CSMD1: variants seen among roughly 807,000 people sequenced by gnomAD.
The protein encoded by CSMD1 is CUB and Sushi multiple domains 1, also known as CUB and sushi domain-containing protein 1.
CSMD1 carries 213 observed loss-of-function variants against 417.5 expected under a neutral mutation model. The observed-to-expected ratio is 0.51, with a 90% CI of 0.46 to 0.57. The LOEUF is 0.57. CSMD1 is among the 20% of genes least tolerant of loss of function. The probability of loss-of-function intolerance (pLI) is 0.00; values close to 1 mark genes in which losing one functional copy is unlikely to be tolerated. For missense variants in CSMD1, 6,923 were observed against 4,529.7 expected (o/e 1.53, Z -15.17); for synonymous variants, 2,862 against 1,736.8 (o/e 1.65, Z -16.11).
chr8:3,082,718 C>G (rs1273696153), intron 49 of CSMD1, among the ~76,000 whole-genome samples: 3 of 152,220 alleles, frequency 2.0e-5, no homozygotes, highest in African/African-American at 7.2e-5. Context: ...GTTAACATCG[C>G]TTTGCCTGTA....
intron 34 of CSMD1, among the ~76,000 whole-genome samples, chr8:3,189,547 C>T (rs1412797686): frequency 6.6e-6 from 1 of 152,098 alleles, no homozygotes; most frequent in Admixed American, 6.6e-5. Context: ...TATTAATTTT[C>T]AAAGATTCAT....
intron 2 of CSMD1, among the ~76,000 whole-genome samples, chr8:4,538,259 T>C (rs1353764990): frequency 2.0e-4 from 31 of 151,342 alleles, no homozygotes; most frequent in Non-Finnish European, 2.9e-5. Context: ...TTCTAATCCC[T>C]CTTCTGCATT....
chr8:4,892,910 A>T (rs1804221045), intron 1 of CSMD1, among the ~76,000 whole-genome samples: 1 of 152,162 alleles, frequency 6.6e-6, no homozygotes, highest in Admixed American at 6.5e-5. Flanking sequence ...ATAAAGTATT[A>T]ATGAAGTGAA....
chr8:3,819,619 T>C (rs1040169912), intron 5 of CSMD1, among the ~76,000 whole-genome samples: 1 of 152,100 alleles, frequency 6.6e-6, no homozygotes, highest in Non-Finnish European at 1.5e-5. Flanking sequence ...GATCTCACTT[T>C]GTTGCCCAGG....
chr8:4,719,422 G>A (rs981602730), intron 1 of CSMD1, among the ~76,000 whole-genome samples: 13 of 151,824 alleles, frequency 8.6e-5, no homozygotes, highest in African/African-American at 3.1e-4. Flanking sequence ...TGCATTAAAA[G>A]CATCATTATA....
intron 5 of CSMD1, among the ~76,000 whole-genome samples, chr8:3,826,778 AT>A (rs59195161): frequency 0.02 from 3,068 of 152,018 alleles, 111 homozygotes; most frequent in African/African-American, 0.069. Context: ...ACATATTTTT[AT>A]TTATTTTTAA....
chr8:4,890,328 T>G (rs1804028281), intron 1 of CSMD1, among the ~76,000 whole-genome samples: 1 of 152,100 alleles, frequency 6.6e-6, no homozygotes, highest in Non-Finnish European at 1.5e-5. Context: ...ACCTCCAGGT[T>G]CCTATGGATT....
At chr8:4,181,691 C>A (rs1798385956) in intron 3 of CSMD1, among the ~76,000 whole-genome samples, 1 of 151,816 alleles carries the variant, frequency 6.6e-6, no homozygotes, top group African/African-American at 2.4e-5. Flanking sequence ...TTCATTTATA[C>A]TTTTTTCAAT....
intron 3 of CSMD1, among the ~76,000 whole-genome samples, chr8:4,282,624 T>C (rs372039885): frequency 1.1e-4 from 16 of 152,218 alleles, no homozygotes; most frequent in African/African-American, 2.4e-4. Flanking sequence ...GTAGTTAGTA[T>C]ATTGTATGCA....
At chr8:4,077,307 A>ATATATGTG (rs1554439913) in intron 3 of CSMD1, among the ~76,000 whole-genome samples, 1,805 of 141,394 alleles carry the variant, frequency 0.013, 26 homozygotes, top group Non-Finnish European at 0.017. Context: ...GTATATATAT[A>ATATATGTG]TATATATATA....
intron 12 of CSMD1, among the ~76,000 whole-genome samples, chr8:3,412,208 A>G (rs529603533): frequency 4.7e-5 from 7 of 150,506 alleles, no homozygotes; most frequent in African/African-American, 1.5e-4. Flanking sequence ...ATACACACAC[A>G]CACACCACTG....
intron 3 of CSMD1, among the ~76,000 whole-genome samples, chr8:4,196,851 T>C (rs192293796): frequency 6.6e-6 from 1 of 152,198 alleles, no homozygotes; most frequent in South Asian, 2.1e-4. Flanking sequence ...AGCCTGCACA[T>C]GCCTTCATAG....
intron 1 of CSMD1, among the ~76,000 whole-genome samples, chr8:4,738,579 G>C (rs184643966): frequency 3.9e-5 from 6 of 152,092 alleles, no homozygotes; most frequent in Admixed American, 3.3e-4. Flanking sequence ...CTTGAATGGG[G>C]ACACAAAGCC....
At chr8:4,224,778 C>A (rs555287500) in intron 3 of CSMD1, among the ~76,000 whole-genome samples, 1 of 152,260 alleles carries the variant, frequency 6.6e-6, no homozygotes, top group African/African-American at 2.4e-5. Flanking sequence ...ACTCAAAACT[C>A]TTAAAATGTT....
intron 2 of CSMD1, among the ~76,000 whole-genome samples, chr8:4,467,122 T>TAAAAAAAAAAAAA (rs35481238): frequency 5.8e-5 from 5 of 86,228 alleles, no homozygotes; most frequent in South Asian, 3.7e-4. Context: ...TTCTTCAGAG[T>TAAAAAAAAAAAAA]AAAAAAAAAA....
chr8:3,509,048 A>G (rs2117384828), intron 10 of CSMD1, among the ~76,000 whole-genome samples: 1 of 152,320 alleles, frequency 6.6e-6, no homozygotes, highest in Non-Finnish European at 1.5e-5. Flanking sequence ...AAGACACTGT[A>G]TCAGCGGTCC....
chr8:3,716,797 G>A (rs758595561), intron 6 of CSMD1, among the ~76,000 whole-genome samples: 31 of 152,102 alleles, frequency 2.0e-4, no homozygotes, highest in Admixed American at 3.9e-4. Context: ...ATTTAACTCT[G>A]TTGGTCACTT....
chr8:3,508,678 T>C (rs1358057318), intron 10 of CSMD1, among the ~76,000 whole-genome samples: 1 of 152,196 alleles, frequency 6.6e-6, no homozygotes, highest in Non-Finnish European at 1.5e-5. Flanking sequence ...CCAGCTTATC[T>C]ATTATGGAAA....
chr8:4,061,106 G>C (rs548259291), intron 3 of CSMD1, among the ~76,000 whole-genome samples: 3 of 152,254 alleles, frequency 2.0e-5, no homozygotes, highest in Admixed American at 1.3e-4. Context: ...ATATCTTATG[G>C]AGAATATAAA....
Sources: gnomAD v4.1 joint callset for allele counts (sites outside exome capture counted in the v4.1 genomes callset) on GRCh38, gnomAD v4.1.1 for gene constraint, MANE v1.5 for transcripts, NCBI Gene and HGNC (gene_info 2026-07-23, HGNC 2026-07-21) for gene names.